C16orf95: variants seen among roughly 807,000 people sequenced by gnomAD.
C16orf95 encodes uncharacterized protein C16orf95.
A neutral mutation model predicts 32.1 loss-of-function variants in C16orf95; 41 were observed. The ratio of observed to expected loss-of-function variants is 1.28; its 90% CI spans 1.00 to 1.66. The LOEUF (loss-of-function observed/expected upper bound fraction) is 1.66. Among genes scored for constraint, C16orf95 ranks in the 40% most tolerant of loss-of-function variants. The probability of loss-of-function intolerance (pLI) is 0.00; values close to 1 mark genes in which losing one functional copy is unlikely to be tolerated. For synonymous variants in C16orf95, 147 were observed against 128.9 expected (o/e 1.14, Z -0.95); for missense variants, 399 against 325.9 (o/e 1.22, Z -1.73).
chr16:87,310,015 C>G (rs1441647494), intron 5 of C16orf95, among the ~76,000 whole-genome samples: 1 of 152,310 alleles, frequency 6.6e-6, no homozygotes, highest in East Asian at 1.9e-4. Context: ...CACTTGAGGT[C>G]TCATCCAAGC....
At chr16:87,313,294 T>A (rs1358346312) in intron 3 of C16orf95, among the ~76,000 whole-genome samples, 1 of 151,500 alleles carries the variant, frequency 6.6e-6, no homozygotes, top group East Asian at 1.9e-4. Flanking sequence ...GACACAATAA[T>A]CAAGACAGTG....
chr16:87,311,172 T>G lies in C16orf95; in HGVS notation c.455A>C (p.Gln152Pro). 6.5e-7 allele frequency: 1 copy of G among 1,533,552 alleles called. No homozygotes were observed. Among genetic ancestry groups the G allele is most frequent in the Non-Finnish European group, 8.7e-7 (1 of 1,145,008 alleles). The allele number at this position is 1,533,552 out of a possible 1,614,324, so 95.0% of individuals were successfully genotyped here. A position where few individuals can be genotyped will look rare whatever the true frequency, so the allele number is the denominator to read the frequency against. ...DQAVMPYWVP[Q>P]VLRSQQQIVR... ...TACCTGCTGCTGAGACCTCAGGACCTGGGGCACCCAGTAGGGCATCACTGC... is the reference window on the plus strand; with the variant it reads ...TACCTGCTGCTGAGACCTCAGGACCGGGGGCACCCAGTAGGGCATCACTGC... The change falls in exon 4 of 7, where the codon CAG (glutamine) becomes CCG (proline). Residue 152 changes from glutamine (Q) to proline (P), a missense_variant. Transcript: ENST00000567970.
chr16:87,311,833 T>C (rs1911297781), intron 3 of C16orf95, among the ~76,000 whole-genome samples: 1 of 152,180 alleles, frequency 6.6e-6, no homozygotes, highest in Non-Finnish European at 1.5e-5. Flanking sequence ...TGCACCATTG[T>C]CAGGAGTGAA....
At chr16:87,309,511 G>A (rs1911184857) in intron 5 of C16orf95, among the ~76,000 whole-genome samples, 1 of 148,806 alleles carries the variant, frequency 6.7e-6, no homozygotes, top group Non-Finnish European at 1.5e-5. Context: ...AGCCTCCTAA[G>A]TAGCTGGGAC....
rs200297262 is a variant in C16orf95 at position 87,305,901 on chromosome 16, G to T, written c.519C>A (p.Pro173=). 7.0e-7 allele frequency: 1 copy of T among 1,424,420 alleles called. No individual in the cohort carries two copies. The allele number at this position is 1,424,420 out of a possible 1,614,324, so 88.2% of individuals were successfully genotyped here. Residue 173 remains proline, a synonymous_variant, in exon 6 of 7, where the codon CCC becomes CCA. Transcript: ENST00000567970. This position sits in a 1 kb window ranked among gnomAD's most constrained non-coding sequence, Gnocchi z 4.2. The part of the protein sequence containing the change: ...RQQSLKGIQA[P]LLDACCWHNC... ...TGTGCCAGCAGCATGCATCCAGCAG[G>T]GGTGCTAGGCAAAGAAAAGGTGGGT... is the stretch of plus-strand genomic sequence containing the variant.
intron 6 of C16orf95, among the ~76,000 whole-genome samples, chr16:87,304,601 G>A (rs1369289163): frequency 1.3e-5 from 2 of 152,372 alleles, no homozygotes; most frequent in African/African-American, 4.8e-5. Flanking sequence ...CACCGCGCCC[G>A]CTCCTGGCCC....
At position 87,311,200 on chromosome 16, in the gene C16orf95, G is replaced by C. The variant is rs1911268392; in HGVS notation, c.427C>G (p.Gln143Glu). ...FGGRLPMPRD[Q>E]AVMPYWVPQV... ...GGCACCCAGTAGGGCATCACTGCCT[G>C]GTCCCTAGGCATCGGGAGGCGGCCC... Residue 143 changes from glutamine (Q) to glutamate (E), a missense_variant, in exon 4 of 7, where the codon CAG (glutamine) becomes GAG (glutamate). Coordinates refer to ENST00000567970, the MANE Select transcript of C16orf95 (RefSeq NM_001195124.3). 2 of 1,535,580 alleles carry C rather than the reference G, an allele frequency of 1.3e-6. No individual in the cohort carries two copies. Among genetic ancestry groups the C allele is most frequent in the African/African-American group, 1.4e-5 (1 of 73,056 alleles).
At chr16:87,314,902 G>C in intron 3 of C16orf95, 69 bp downstream of exon 3, 2 of 1,333,884 alleles carry the variant, frequency 1.5e-6, no homozygotes, top group Non-Finnish European at 2.0e-6. Flanking sequence ...TTCTAATTCT[G>C]AGGGGTGACT....
Position 87,311,187 on chromosome 16 carries a change from G to C in C16orf95, c.440C>G (p.Pro147Arg). 6.5e-7 allele frequency: 1 copy of C among 1,535,166 alleles called. No individual in the cohort carries two copies. The highest frequency in any genetic ancestry group is 8.7e-7 in the Non-Finnish European group (1 of 1,146,208). Residue 147 changes from proline to arginine, a missense_variant, in exon 4 of 7, where the codon CCC (proline) becomes CGC (arginine). By Grantham distance (103) the Pro-to-Arg change is moderately radical (BLOSUM62 -2). Transcript: ENST00000567970. ...LPMPRDQAVM[P>R]YWVPQVLRSQ... ...CCTCAGGACCTGGGGCACCCAGTAG[G>C]GCATCACTGCCTGGTCCCTAGGCAT...
At chr16:87,314,939 T>C (rs755546684) in intron 3 of C16orf95, 32 bp downstream of exon 3, 109 of 1,532,410 alleles carry the variant, frequency 7.1e-5, no homozygotes, top group Non-Finnish European at 9.0e-5. Context: ...CCCTGGACCC[T>C]AGGGGAAGAC....
chr16:87,306,625 T>C (rs2150647656), intron 5 of C16orf95, among the ~76,000 whole-genome samples: 1 of 152,322 alleles, frequency 6.6e-6, no homozygotes, highest in South Asian at 2.1e-4. Context: ...ATGTGGACTT[T>C]CTCATTAAAA....
chr16:87,310,834 G>A (rs1293697009), intron 4 of C16orf95, among the ~76,000 whole-genome samples: 2 of 152,182 alleles, frequency 1.3e-5, no homozygotes, highest in East Asian at 1.9e-4. Flanking sequence ...AGAGTGCAGA[G>A]GGGGAGGAAG....
rs78469864 is a variant in C16orf95 at position 87,305,950 on chromosome 16, G to C, written c.515-45C>G. ...GTTGAGGACAGGGCGTGTTCTCCGG[G>C]ACTCTGTGAGCCACGAGGAGGCTGC... On this transcript the variant is annotated intron_variant, in intron 5 of 6. Transcript: ENST00000567970. This position sits in a 1 kb window ranked among gnomAD's most constrained non-coding sequence, Gnocchi z 4.2. 3 of 1,348,106 alleles carry C rather than the reference G, an allele frequency of 2.2e-6. No homozygotes were observed. Among genetic ancestry groups the C allele is most frequent in the Non-Finnish European group, 2.9e-6 (3 of 1,046,180 alleles). The allele number at this position is 1,348,106 out of a possible 1,614,324, so 83.5% of individuals were successfully genotyped here.
Position 87,311,194 on chromosome 16 carries a change from C to A in C16orf95, c.433G>T (p.Val145Leu), listed in dbSNP as rs1325666347. Residue 145 changes from valine (V) to leucine (L), a missense_variant, in exon 4 of 7, where the codon GTG (valine) becomes TTG (leucine). Val to Leu is a conservative substitution (Grantham distance 32). Coordinates refer to ENST00000567970, the MANE Select transcript of C16orf95 (RefSeq NM_001195124.3). ...ACCTGGGGCACCCAGTAGGGCATCA[C>A]TGCCTGGTCCCTAGGCATCGGGAGG... ...GRLPMPRDQA[V>L]MPYWVPQVLR... 1.5e-5 allele frequency: 23 copies of A among 1,535,484 alleles called. No individual in the cohort carries two copies. The highest frequency in any genetic ancestry group is 1.9e-5 in the Non-Finnish European group (22 of 1,146,508).
At chr16:87,315,579 C>A (rs1402714331) in intron 2 of C16orf95, among the ~76,000 whole-genome samples, 193 bp downstream of exon 2, 2 of 152,196 alleles carry the variant, frequency 1.3e-5, no homozygotes, top group Non-Finnish European at 2.9e-5. Flanking sequence ...TATTAGGTGG[C>A]CTCCTGAACT....
At chr16:87,308,956 A>G (rs1443668237) in intron 5 of C16orf95, among the ~76,000 whole-genome samples, 1 of 152,246 alleles carries the variant, frequency 6.6e-6, no homozygotes, top group East Asian at 1.9e-4. Context: ...CAGTTAGGGC[A>G]TGAACACGAT....
chr16:87,313,594 G>A (rs1045078628), intron 3 of C16orf95, among the ~76,000 whole-genome samples: 4 of 152,116 alleles, frequency 2.6e-5, no homozygotes, highest in East Asian at 1.9e-4. Context: ...AATTAGCCTC[G>A]TATGGTGGTG....
chr16:87,312,290 C>T (rs777250057), intron 3 of C16orf95, among the ~76,000 whole-genome samples: 3 of 152,106 alleles, frequency 2.0e-5, no homozygotes, highest in South Asian at 2.1e-4. Flanking sequence ...GGAGGAAGGC[C>T]GGGAGCAGTG....
chr16:87,310,294 T>G lies in C16orf95; in HGVS notation c.514+3A>C. The G allele has an allele frequency of 6.5e-7, 1 of 1,536,128 alleles. No individual in the cohort carries two copies. The highest frequency in any genetic ancestry group is 2.4e-5 in the East Asian group (1 of 40,912). The stretch of plus-strand genomic sequence containing the variant: ...ATATGAGACACACACACACTGGAGT[T>G]ACCTTGGATGCCTTTCAAACTCTGC... On this transcript the variant is annotated splice_donor_region_variant and intron_variant, in intron 5 of 6. Coordinates refer to ENST00000567970, the MANE Select transcript of C16orf95 (RefSeq NM_001195124.3).
Sources: allele counts gnomAD v4.1 joint callset (sites outside exome capture counted in the v4.1 genomes callset), GRCh38; gene constraint gnomAD v4.1.1; non-coding constraint Gnocchi (gnomAD v3.1); transcripts MANE v1.5; gene names NCBI Gene and HGNC (gene_info 2026-07-23, HGNC 2026-07-21).